CDH13: variants seen among roughly 807,000 people sequenced by gnomAD.
CDH13 encodes the protein cadherin-13.
In CDH13, 24 loss-of-function variants were observed where a neutral mutation model predicts 63.8. That is an observed-to-expected ratio of 0.38 (90% CI 0.27 to 0.53). The LOEUF (loss-of-function observed/expected upper bound fraction) is 0.53. CDH13 is among the 20% of genes least tolerant of loss of function. CDH13 has a pLI of 0.85. For synonymous variants in CDH13, 503 were observed against 355.3 expected (o/e 1.42, Z -4.67); for missense variants, 1,049 against 903.1 (o/e 1.16, Z -2.07).
chr16:83,782,875 C>A (rs1215076097), intron 12 of CDH13, among the ~76,000 whole-genome samples: 1 of 152,108 alleles, frequency 6.6e-6, no homozygotes, highest in African/African-American at 2.4e-5. Context: ...CAGTCTTTGT[C>A]AAGATGGCTT....
chr16:83,184,256 G>A (rs140065969), intron 4 of CDH13, among the ~76,000 whole-genome samples: 61 of 151,928 alleles, frequency 4.0e-4, no homozygotes, highest in East Asian at 3.9e-3. Context: ...ATTTCTCTAC[G>A]GTGCTTTTAT....
chr16:83,786,836 C>T (rs1244427597), intron 13 of CDH13, among the ~76,000 whole-genome samples: 2 of 152,148 alleles, frequency 1.3e-5, no homozygotes, highest in African/African-American at 4.8e-5. Flanking sequence ...AATCTGCCTG[C>T]CTCGGCCTCC....
At chr16:83,542,691 C>G (rs1342619218) in intron 7 of CDH13, among the ~76,000 whole-genome samples, 4 of 152,206 alleles carry the variant, frequency 2.6e-5, no homozygotes, top group Non-Finnish European at 5.9e-5. Flanking sequence ...ACCCTTGGAG[C>G]TCTTTGGCTT....
intron 5 of CDH13, among the ~76,000 whole-genome samples, chr16:83,263,959 T>A (rs1055174637): frequency 5.9e-5 from 9 of 152,164 alleles, no homozygotes; most frequent in African/African-American, 2.2e-4. Flanking sequence ...CTTCAGAAAA[T>A]TTTTGTTCTT....
chr16:82,994,775 G>C (rs993855566), intron 2 of CDH13, among the ~76,000 whole-genome samples: 2 of 152,262 alleles, frequency 1.3e-5, no homozygotes, highest in Admixed American at 1.3e-4. Flanking sequence ...TGGTTAAGGG[G>C]AACTTTGTCA....
chr16:82,707,517 C>G (rs946418223), intron 1 of CDH13, among the ~76,000 whole-genome samples: 7 of 152,058 alleles, frequency 4.6e-5, no homozygotes, highest in African/African-American at 1.7e-4. Flanking sequence ...AAATATTTTT[C>G]CTTATTTTAA....
chr16:83,166,083 C>G (rs1211770627), intron 4 of CDH13, among the ~76,000 whole-genome samples: 1 of 152,236 alleles, frequency 6.6e-6, no homozygotes, highest in Admixed American at 6.5e-5. Context: ...TTGCCATTAG[C>G]AGCAGGCAGT....
intron 2 of CDH13, among the ~76,000 whole-genome samples, chr16:82,966,965 A>G (rs908967174): frequency 2.0e-5 from 3 of 152,210 alleles, no homozygotes; most frequent in Non-Finnish European, 4.4e-5. Context: ...TGCAAAAGAA[A>G]ATATTTTGGC....
chr16:82,699,847 A>C (rs1477604445), intron 1 of CDH13, among the ~76,000 whole-genome samples: 2 of 152,262 alleles, frequency 1.3e-5, no homozygotes, highest in African/African-American at 2.4e-5. Context: ...TTTACAAACA[A>C]TAAATAATAC....
chr16:83,198,385 G>A, intron 4 of CDH13, among the ~76,000 whole-genome samples: 1 of 151,930 alleles, frequency 6.6e-6, no homozygotes, highest in East Asian at 1.9e-4. Context: ...AATATGTGGG[G>A]ACTAAGCATC....
intron 6 of CDH13, among the ~76,000 whole-genome samples, chr16:83,389,996 T>C (rs1399561793): frequency 1.3e-5 from 2 of 152,232 alleles, no homozygotes. Flanking sequence ...GAAAGTCAAC[T>C]TGGTTGGAAG....
intron 2 of CDH13, among the ~76,000 whole-genome samples, chr16:82,932,418 G>A (rs1485908204): frequency 6.6e-6 from 1 of 152,154 alleles, no homozygotes; most frequent in Non-Finnish European, 1.5e-5. Context: ...GAAGAGTCAT[G>A]TGATTTTGGC....
At chr16:82,680,523 T>A (rs1914429418) in intron 1 of CDH13, among the ~76,000 whole-genome samples, 1 of 152,086 alleles carries the variant, frequency 6.6e-6, no homozygotes, top group Non-Finnish European at 1.5e-5. Flanking sequence ...ACAGATTATT[T>A]CTGCGCTCCA....
chr16:82,870,475 A>G (rs898487754), intron 2 of CDH13, among the ~76,000 whole-genome samples: 4 of 152,222 alleles, frequency 2.6e-5, no homozygotes, highest in Non-Finnish European at 4.4e-5. Context: ...ATATATATCT[A>G]AAAGAAAGGG....
chr16:83,487,633 T>G (rs765208407), intron 7 of CDH13, among the ~76,000 whole-genome samples: 2 of 152,154 alleles, frequency 1.3e-5, no homozygotes, highest in Non-Finnish European at 2.9e-5. Context: ...TCCTTCACTC[T>G]CCATCCACCC....
chr16:83,524,592 A>G (rs1422436354), intron 7 of CDH13, among the ~76,000 whole-genome samples: 2 of 151,664 alleles, frequency 1.3e-5, no homozygotes, highest in Non-Finnish European at 2.9e-5. Flanking sequence ...AGCTGGGACT[A>G]CAGGCACCTG....
In CDH13 at chr16:83,544,814, C is replaced by T. The variant is rs552458352; in HGVS notation, c.961-57640C>T. ...TCATCTGCAAAATGAGGATTTATAA[C>T]AGTTCAAAGGGTATCTACTAGGATT... On this transcript the variant is annotated intron_variant, in intron 7 of 13. Transcript: ENST00000567109. Among the ~76,000 whole-genome samples the T allele has an allele frequency of 1.2e-4, 18 of 152,298 alleles. 1 individual carries two copies. Among genetic ancestry groups the T allele is most frequent in the African/African-American group, 4.3e-4 (18 of 41,566 alleles).
intron 7 of CDH13, among the ~76,000 whole-genome samples, chr16:83,528,514 T>TG (rs1277983027): frequency 1.7e-4 from 26 of 152,110 alleles, no homozygotes; most frequent in Non-Finnish European, 3.5e-4. Flanking sequence ...TAGTCCCTAG[T>TG]GGGGTCGTCT....
chr16:83,015,582 T>A (rs949917576), intron 2 of CDH13, among the ~76,000 whole-genome samples: 2 of 149,652 alleles, frequency 1.3e-5, no homozygotes, highest in African/African-American at 4.9e-5. Flanking sequence ...TCAGATTACA[T>A]CCATTTAAAC....
Sources: gnomAD v4.1 joint callset for allele counts (sites outside exome capture counted in the v4.1 genomes callset) on GRCh38, gnomAD v4.1.1 for gene constraint, MANE v1.5 for transcripts, NCBI Gene and HGNC (gene_info 2026-07-23, HGNC 2026-07-21) for gene names.